The following FAM107B variants were observed in gnomAD, a reference collection of about 807,000 sequenced individuals.
FAM107B encodes the protein protein FAM107B.
In FAM107B, 21 loss-of-function variants were observed where a neutral mutation model predicts 31.5. The ratio of observed to expected loss-of-function variants is 0.67; its 90% CI spans 0.47 to 0.96. The LOEUF is 0.96. Among genes scored for constraint, FAM107B ranks in the 40% least tolerant of loss-of-function variants. The pLI is 0.00. For missense variants in FAM107B, 452 were observed against 377.1 expected (o/e 1.20, Z -1.64); for synonymous variants, 157 against 141.5 (o/e 1.11, Z -0.78).
At chr10:14,667,444 A>G (rs1854431081) in intron 2 of FAM107B, among the ~76,000 whole-genome samples, 190 bp downstream of exon 2, 1 of 152,232 alleles carries the variant, frequency 6.6e-6, no homozygotes. Flanking sequence ...AGAACGAGCT[A>G]TTTTCTGCAT....
chr10:14,551,589 C>CTTT (rs35049608), intron 2 of FAM107B, among the ~76,000 whole-genome samples: 1 of 143,922 alleles, frequency 6.9e-6, no homozygotes, highest in Non-Finnish European at 1.5e-5. Context: ...CACTATTTTC[C>CTTT]TTTTTTTTTT....
intron 2 of FAM107B, among the ~76,000 whole-genome samples, chr10:14,623,520 C>T (rs1006257318): frequency 3.3e-5 from 5 of 152,200 alleles, no homozygotes; most frequent in African/African-American, 7.2e-5. Flanking sequence ...AGAGCTCAGG[C>T]GTCAAGCTAA....
At chr10:14,550,312 A>T (rs1343407351) in intron 2 of FAM107B, among the ~76,000 whole-genome samples, 2 of 152,120 alleles carry the variant, frequency 1.3e-5, no homozygotes, top group Admixed American at 1.3e-4. Flanking sequence ...CCCACTACAC[A>T]AGTCTGTGAG....
At chr10:14,557,050 T>G (rs1849767901) in intron 2 of FAM107B, among the ~76,000 whole-genome samples, 1 of 152,230 alleles carries the variant, frequency 6.6e-6, no homozygotes, top group Non-Finnish European at 1.5e-5. Context: ...GCCAGCCCCC[T>G]TCCCACACTT....
At chr10:14,565,592 T>C (rs572378619) in intron 2 of FAM107B, among the ~76,000 whole-genome samples, 1 of 152,126 alleles carries the variant, frequency 6.6e-6, no homozygotes, top group Non-Finnish European at 1.5e-5. Context: ...CATGCAAGAC[T>C]ATAAAGGATG....
At chr10:14,576,096 G>A (rs895610106) in intron 2 of FAM107B, among the ~76,000 whole-genome samples, 21 of 152,328 alleles carry the variant, frequency 1.4e-4, no homozygotes, top group African/African-American at 5.1e-4. Flanking sequence ...AAGGGAATGG[G>A]GAGGAATTGT....
intron 1 of FAM107B, among the ~76,000 whole-genome samples, chr10:14,701,181 A>G (rs2131524335): frequency 6.6e-6 from 1 of 152,236 alleles, no homozygotes; most frequent in Non-Finnish European, 1.5e-5. Context: ...GAATAAATTT[A>G]TTTTTTAAAA....
chr10:14,539,683 T>C (rs928644538), intron 2 of FAM107B, among the ~76,000 whole-genome samples: 1 of 152,202 alleles, frequency 6.6e-6, no homozygotes, highest in African/African-American at 2.4e-5. Context: ...ATTCAATTCC[T>C]GGCTCAGGGA....
At chr10:14,738,706 T>C (rs1038286277) in intron 1 of FAM107B, among the ~76,000 whole-genome samples, 3 of 152,100 alleles carry the variant, frequency 2.0e-5, no homozygotes, top group African/African-American at 7.2e-5. Context: ...CCCTGACACA[T>C]GGATTGGGCC....
chr10:14,700,285 C>T (rs768468523), intron 1 of FAM107B, among the ~76,000 whole-genome samples: 2 of 151,974 alleles, frequency 1.3e-5, no homozygotes, highest in Admixed American at 6.6e-5. Context: ...GGGAGAGTGG[C>T]GAACTAAATG....
chr10:14,583,411 G>A (rs776922117), intron 2 of FAM107B, among the ~76,000 whole-genome samples: 2 of 152,104 alleles, frequency 1.3e-5, no homozygotes. Context: ...GACATGAAGC[G>A]CAGGACCGCA....
chr10:14,769,028 G>A (rs1833242414), intron 1 of FAM107B, among the ~76,000 whole-genome samples: 1 of 152,208 alleles, frequency 6.6e-6, no homozygotes, highest in South Asian at 2.1e-4. Flanking sequence ...TGTCCCCACT[G>A]TGTGTTATTG....
chr10:14,759,662 T>C (rs1264546090), intron 1 of FAM107B, among the ~76,000 whole-genome samples: 2 of 152,218 alleles, frequency 1.3e-5, no homozygotes, highest in African/African-American at 4.8e-5. Flanking sequence ...AATTAAAGGA[T>C]AAACCAATAA....
rs150307774 is a variant in FAM107B at position 14,579,700 on chromosome 10, T to C, written c.470-49185A>G. ...GGAGATAAGAGGAGGATAAAACTGT[T>C]CTGTCATTCACTAGTTCCTTCCAAA... On this transcript the variant is annotated intron_variant, in intron 2 of 4. Coordinates refer to ENST00000181796, the MANE Select transcript of FAM107B (RefSeq NM_031453.4). Among the ~76,000 whole-genome samples, 27 of 152,348 alleles carry C rather than the reference T, an allele frequency of 1.8e-4. 1 individual carries two copies. The East Asian group carries it at 5.2e-3, about 29-fold the overall frequency.
At chr10:14,648,340 C>G (rs930058205) in intron 2 of FAM107B, among the ~76,000 whole-genome samples, 1 of 152,126 alleles carries the variant, frequency 6.6e-6, no homozygotes, top group Admixed American at 6.5e-5. Context: ...GCAGCATGAA[C>G]GAGGGGAAAC....
chr10:14,550,080 T>A (rs1173116346), intron 2 of FAM107B, among the ~76,000 whole-genome samples: 2 of 152,200 alleles, frequency 1.3e-5, no homozygotes, highest in Non-Finnish European at 1.5e-5. Context: ...AAAGAGGCCT[T>A]CGAGAAATAC....
chr10:14,521,368 T>C (rs1845617327), intron 4 of FAM107B, 62 bp from the exon 5 acceptor site: 1 of 1,354,550 alleles, frequency 7.4e-7, no homozygotes, highest in Non-Finnish European at 1.0e-6. Flanking sequence ...AAAATACTCT[T>C]CTCTCTTTTC....
At chr10:14,698,155 A>G (rs111616681) in intron 1 of FAM107B, among the ~76,000 whole-genome samples, 145 of 152,300 alleles carry the variant, frequency 9.5e-4, no homozygotes, top group African/African-American at 3.3e-3. Flanking sequence ...ATCAACACCA[A>G]GATTTAAAAT....
At chr10:14,521,848 C>T in intron 4 of FAM107B, 21 bp downstream of exon 4, 2 of 1,606,186 alleles carry the variant, frequency 1.2e-6, no homozygotes. Context: ...AAAAAGACAG[C>T]TTCCAGCCAA....
Sources: gnomAD v4.1 joint callset for allele counts (sites outside exome capture counted in the v4.1 genomes callset) on GRCh38, gnomAD v4.1.1 for gene constraint, MANE v1.5 for transcripts, NCBI Gene and HGNC (gene_info 2026-07-23, HGNC 2026-07-21) for gene names.